Variants in ATP1A4 observed in about 807,000 individuals in gnomAD.
The protein encoded by ATP1A4 is ATPase Na+/K+ transporting subunit alpha 4, also known as sodium/potassium-transporting ATPase subunit alpha-4.
In ATP1A4, 90 loss-of-function variants were observed where a neutral mutation model predicts 114.3. That is an observed-to-expected ratio of 0.79 (90% CI 0.66 to 0.94). The LOEUF is 0.94. ATP1A4 is among the 40% of genes least tolerant of loss of function. The probability of loss-of-function intolerance (pLI) is 0.00; values close to 1 mark genes in which losing one functional copy is unlikely to be tolerated. For synonymous variants in ATP1A4, 511 were observed against 494.1 expected (o/e 1.03, Z -0.45); for missense variants, 1,222 against 1,313.6 (o/e 0.93, Z 1.08).
chr1:160,157,897 C>T (rs930864110), intron 4 of ATP1A4, among the ~76,000 whole-genome samples: 3 of 152,100 alleles, frequency 2.0e-5, no homozygotes, highest in Admixed American at 6.5e-5. Context: ...AAGAATACGA[C>T]GGTAAACAGA....
intron 2 of ATP1A4, among the ~76,000 whole-genome samples, chr1:160,153,627 G>T (rs1652534708): frequency 6.6e-6 from 1 of 152,026 alleles, no homozygotes; most frequent in Non-Finnish European, 1.5e-5. Flanking sequence ...CAAAAATAAA[G>T]TTATCATATA....
chr1:160,171,856 A>C, intron 12 of ATP1A4, 99 bp downstream of exon 12: 1 of 1,206,314 alleles, frequency 8.3e-7, no homozygotes, highest in Non-Finnish European at 1.1e-6. Flanking sequence ...CCTTAGTTTA[A>C]TTGAGCGGAT....
chr1:160,172,450 A>G (rs1043740160), intron 12 of ATP1A4, among the ~76,000 whole-genome samples: 1 of 152,238 alleles, frequency 6.6e-6, no homozygotes, highest in Non-Finnish European at 1.5e-5. Context: ...AAAATCGGTC[A>G]GAGCAAGAGT....
At chr1:160,157,330 G>A (rs1405767553) in intron 4 of ATP1A4, among the ~76,000 whole-genome samples, 6 of 152,058 alleles carry the variant, frequency 3.9e-5, no homozygotes, top group South Asian at 4.1e-4. Flanking sequence ...CTGTCCTCAC[G>A]CTCCTCCCAC....
chr1:160,174,355 G>T, intron 14 of ATP1A4, 94 bp downstream of exon 14: 1 of 1,551,640 alleles, frequency 6.4e-7, no homozygotes, highest in African/African-American at 1.4e-5. Context: ...GGCTGGGCTA[G>T]AGGAGACTCC....
chr1:160,153,105 C>A (rs1199546237), intron 1 of ATP1A4, 60 bp from the exon 2 acceptor site: 1 of 1,365,432 alleles, frequency 7.3e-7, no homozygotes, highest in African/African-American at 1.4e-5. Flanking sequence ...GTTTCTCCCC[C>A]TCTCCCTGGA....
At chr1:160,179,093 C>G (rs762978500) in intron 18 of ATP1A4, among the ~76,000 whole-genome samples, 2 of 152,212 alleles carry the variant, frequency 1.3e-5, no homozygotes, top group Admixed American at 6.5e-5. Flanking sequence ...AGCACTTTCC[C>G]ACTTCACCAC....
At chr1:160,169,064 G>A (rs368416808) in intron 10 of ATP1A4, among the ~76,000 whole-genome samples, 3 of 152,322 alleles carry the variant, frequency 2.0e-5, no homozygotes, top group South Asian at 4.1e-4. Context: ...CCAAACATGC[G>A]GCTCAAATGG....
At chr1:160,186,397 G>C (rs370392864) in intron 21 of ATP1A4, 30 bp downstream of exon 21, 3 of 1,550,218 alleles carry the variant, frequency 1.9e-6, no homozygotes, top group Admixed American at 1.7e-5. Context: ...CGCTCTGACT[G>C]AGTGGTCACC....
intron 18 of ATP1A4, among the ~76,000 whole-genome samples, chr1:160,179,921 G>A (rs1249069632): frequency 1.3e-5 from 2 of 152,184 alleles, no homozygotes; most frequent in Non-Finnish European, 2.9e-5. Flanking sequence ...GTCAGAGAGA[G>A]AAAGATGCTT....
At chr1:160,179,436 C>A (rs749992238) in intron 18 of ATP1A4, among the ~76,000 whole-genome samples, 1 of 152,108 alleles carries the variant, frequency 6.6e-6, no homozygotes, top group African/African-American at 2.4e-5. Flanking sequence ...TTAAGAATTC[C>A]CCCCTGCACA....
rs1652468968 is a variant in ATP1A4 at position 160,151,955 on chromosome 1, C to T, written c.-86C>T. Reference sequence around the variant, plus strand: ...CACTCTCTTCTCGTGGCCCCCTTGCCCGCGCGCCCTCTTCCCTTCCCCTTG... The same window carrying T: ...CACTCTCTTCTCGTGGCCCCCTTGCTCGCGCGCCCTCTTCCCTTCCCCTTG... On this transcript the variant is annotated 5_prime_UTR_variant, in exon 1 of 22. Transcript: ENST00000368081. 1.3e-6 allele frequency: 2 copies of T among 1,491,200 alleles called. No individual in the cohort carries two copies. The highest frequency in any genetic ancestry group is 2.3e-5 in the East Asian group (1 of 43,686). 92.4% of individuals were successfully genotyped at this position (1,491,200 alleles called of 1,614,324 possible). A position where few individuals can be genotyped will look rare whatever the true frequency, so the allele number is the denominator to read the frequency against.
intron 4 of ATP1A4, among the ~76,000 whole-genome samples, chr1:160,157,501 T>C (rs965580433): frequency 1.2e-4 from 19 of 152,348 alleles, no homozygotes; most frequent in African/African-American, 4.6e-4. Flanking sequence ...CCAAAGATAA[T>C]GCGTTAAAGG....
At chr1:160,180,455 C>T (rs1015744376) in intron 18 of ATP1A4, among the ~76,000 whole-genome samples, 3 of 152,078 alleles carry the variant, frequency 2.0e-5, no homozygotes, top group African/African-American at 7.2e-5. Context: ...TTCCCATAGC[C>T]CTCTGCAGTC....
chr1:160,166,792 A>G, intron 8 of ATP1A4, 66 bp downstream of exon 8: 1 of 1,599,252 alleles, frequency 6.3e-7, no homozygotes, highest in South Asian at 1.1e-5. Context: ...GAGCTGAGAG[A>G]GAATGGTGAG....
intron 10 of ATP1A4, among the ~76,000 whole-genome samples, chr1:160,169,122 G>C (rs1653147518): frequency 6.6e-6 from 1 of 152,204 alleles, no homozygotes; most frequent in Admixed American, 6.5e-5. Flanking sequence ...TGTCCCACTG[G>C]CCGCCAAGCT....
At chr1:160,177,487 G>A (rs778659161) in intron 17 of ATP1A4, 32 bp from the exon 18 acceptor site, 9 of 1,610,238 alleles carry the variant, frequency 5.6e-6, no homozygotes, top group Middle Eastern at 3.7e-4. Context: ...TCTGAACCAG[G>A]CTCCCCTGTC....
chr1:160,160,763 C>T (rs1003191524), intron 6 of ATP1A4, among the ~76,000 whole-genome samples: 1 of 151,824 alleles, frequency 6.6e-6, no homozygotes, highest in African/African-American at 2.4e-5. Flanking sequence ...TGAAAGATTG[C>T]TATTTAATTT....
intron 6 of ATP1A4, among the ~76,000 whole-genome samples, chr1:160,161,080 T>C (rs74123266): frequency 0.037 from 5,688 of 152,142 alleles, 350 homozygotes; most frequent in African/African-American, 0.13. Flanking sequence ...AATGGTTTTG[T>C]AGGAGGCTAA....
Sources: gnomAD v4.1 joint callset for allele counts (sites outside exome capture counted in the v4.1 genomes callset) on GRCh38, gnomAD v4.1.1 for gene constraint, MANE v1.5 for transcripts, NCBI Gene and HGNC (gene_info 2026-07-23, HGNC 2026-07-21) for gene names.